The following ADAMTSL1 variants were observed in gnomAD, a reference collection of about 807,000 sequenced individuals.
The protein encoded by ADAMTSL1 is ADAMTS-like protein 1.
A neutral mutation model predicts 201.8 loss-of-function variants in ADAMTSL1; 126 were observed. That is an observed-to-expected ratio of 0.62 (90% CI 0.54 to 0.72). The LOEUF (loss-of-function observed/expected upper bound fraction) is 0.72. Ranked by LOEUF, ADAMTSL1 falls within the 30% of genes least tolerant of loss-of-function variation. The pLI, the probability that ADAMTSL1 is intolerant of heterozygous loss-of-function variation, is 0.00. For missense variants in ADAMTSL1, 2,679 were observed against 2,277.8 expected (o/e 1.18, Z -3.59); for synonymous variants, 1,121 against 903.4 (o/e 1.24, Z -4.32).
At chr9:18,333,459 G>A (rs1023795034) in intron 2 of ADAMTSL1, among the ~76,000 whole-genome samples, 12 of 152,160 alleles carry the variant, frequency 7.9e-5, no homozygotes, top group African/African-American at 2.4e-4. Context: ...ATGTGGAATT[G>A]TGAGTCAAAC....
At chr9:18,068,173 G>A (rs145768329) in intron 1 of ADAMTSL1, among the ~76,000 whole-genome samples, 320 of 152,158 alleles carry the variant, frequency 2.1e-3, no homozygotes, top group African/African-American at 7.4e-3. Flanking sequence ...CTTAGAAATG[G>A]ACTGTTTATT....
At chr9:18,712,696 C>T (rs1266409670) in intron 14 of ADAMTSL1, among the ~76,000 whole-genome samples, 1 of 151,778 alleles carries the variant, frequency 6.6e-6, no homozygotes, top group Non-Finnish European at 1.5e-5. Context: ...TCCAGGAGAA[C>T]TTCCCCAATT....
intron 26 of ADAMTSL1, among the ~76,000 whole-genome samples, chr9:18,899,080 A>G (rs988421649): frequency 2.6e-5 from 4 of 152,244 alleles, no homozygotes; most frequent in African/African-American, 9.6e-5. Context: ...TCTTAAGCTG[A>G]TAAGCAACTT....
chr9:18,004,155 A>G (rs1478370030), intron 1 of ADAMTSL1, among the ~76,000 whole-genome samples: 2 of 152,034 alleles, frequency 1.3e-5, no homozygotes, highest in East Asian at 1.9e-4. Context: ...GAAATGTTTC[A>G]GCTAGCAATA....
At chr9:18,879,048 A>T (rs1828358165) in intron 23 of ADAMTSL1, among the ~76,000 whole-genome samples, 2 of 152,084 alleles carry the variant, frequency 1.3e-5, no homozygotes, top group African/African-American at 4.8e-5. Flanking sequence ...TTCATATATA[A>T]CATTTCTTCC....
chr9:18,471,755 T>C (rs145420472), upstream of ADAMTSL1, among the ~76,000 whole-genome samples: 8 of 152,300 alleles, frequency 5.3e-5, no homozygotes, highest in East Asian at 1.5e-3. Flanking sequence ...CAACAGGTGA[T>C]TGAGGGCTTA....
intron 23 of ADAMTSL1, among the ~76,000 whole-genome samples, chr9:18,849,522 A>G (rs758971262): frequency 6.6e-5 from 10 of 152,192 alleles, no homozygotes; most frequent in South Asian, 2.1e-4. Flanking sequence ...CTGATGGTCA[A>G]AGGTTAGGTA....
intron 1 of ADAMTSL1, among the ~76,000 whole-genome samples, chr9:17,993,115 C>G (rs1819228644): frequency 6.6e-6 from 1 of 152,020 alleles, no homozygotes; most frequent in Non-Finnish European, 1.5e-5. Flanking sequence ...GGATTTACCT[C>G]TCTAGAGGTT....
chr9:18,637,060 G>A (rs1477440806), intron 6 of ADAMTSL1, among the ~76,000 whole-genome samples: 2 of 151,696 alleles, frequency 1.3e-5, no homozygotes, highest in African/African-American at 4.9e-5. Flanking sequence ...AGTCTTTCTA[G>A]ATATAAAAAT....
In ADAMTSL1 at chr9:18,451,845, C is replaced by A. The variant is rs568552374; in HGVS notation, c.208-52984C>A. 2.0e-5 allele frequency among the ~76,000 whole-genome samples: 3 copies of A among 152,332 alleles called. No individual in the cohort carries two copies. The South Asian group carries it at 6.2e-4, about 32-fold the overall frequency. ...GAAGGGCCCACATCTGGCAAGGGCC[C>A]TCATGTTGCATGGTGGAAGATGCAA... On this transcript the variant is annotated intron_variant, in intron 2 of 29. Transcript: ENST00000680146.
At chr9:18,296,174 G>C (rs1432756985) in intron 2 of ADAMTSL1, among the ~76,000 whole-genome samples, 1 of 152,066 alleles carries the variant, frequency 6.6e-6, no homozygotes. Flanking sequence ...ACATTCTAAA[G>C]ACAACTAGTC....
At chr9:18,793,135 T>C (rs1049821087) in intron 19 of ADAMTSL1, 1 of 152,224 alleles carries the variant, frequency 6.6e-6, no homozygotes, top group African/African-American at 2.4e-5. Flanking sequence ...CAAGCACAAA[T>C]CATTCAAAAA....
At chr9:18,656,628 CAA>C (rs34965386) in intron 7 of ADAMTSL1, among the ~76,000 whole-genome samples, 15 of 75,316 alleles carry the variant, frequency 2.0e-4, no homozygotes, top group Middle Eastern at 8.5e-3. Context: ...GACTCCATCG[CAA>C]AAAAAAAAAA....
chr9:18,586,632 A>C (rs538455113), intron 4 of ADAMTSL1, among the ~76,000 whole-genome samples: 1 of 152,288 alleles, frequency 6.6e-6, no homozygotes, highest in Non-Finnish European at 1.5e-5. Context: ...AGAGCCCCAT[A>C]GTCAAGGCAA....
chr9:18,319,507 A>T (rs920907868), intron 2 of ADAMTSL1, among the ~76,000 whole-genome samples: 6 of 152,182 alleles, frequency 3.9e-5, no homozygotes, highest in African/African-American at 1.4e-4. Context: ...TTCTCTTCTG[A>T]TAATGGCTGA....
At chr9:18,406,933 T>C (rs914060226) in intron 2 of ADAMTSL1, among the ~76,000 whole-genome samples, 3 of 152,162 alleles carry the variant, frequency 2.0e-5, no homozygotes, top group African/African-American at 4.8e-5. Context: ...GTTGTGAGAA[T>C]TGAATTTGAG....
intron 2 of ADAMTSL1, among the ~76,000 whole-genome samples, chr9:18,369,350 T>C (rs964837047): frequency 1.3e-5 from 2 of 152,198 alleles, no homozygotes; most frequent in Admixed American, 1.3e-4. Flanking sequence ...TTGTTGTTAA[T>C]TCAAGTGGCC....
chr9:18,899,362 G>T (rs1216516961), intron 26 of ADAMTSL1, among the ~76,000 whole-genome samples: 8 of 152,110 alleles, frequency 5.3e-5, no homozygotes, highest in African/African-American at 1.9e-4. Context: ...CATGAAAATG[G>T]CCATACTGCC....
rs1216989251 is a variant in ADAMTSL1 at position 18,248,365 on chromosome 9, A to G, written c.207+84384A>G. ...GTATGTAAAAAGCTTGGCTTCCCAT[A>G]TTTGCTATTCCAGACTGCTGCACTG... On this transcript the variant is annotated intron_variant, in intron 2 of 29. Coordinates refer to the ADAMTSL1 transcript ENST00000680146. Among the ~76,000 whole-genome samples, 3 of 152,060 alleles carry G rather than the reference A, an allele frequency of 2.0e-5. No homozygotes were observed. The East Asian group carries it at 5.8e-4, about 29-fold the overall frequency.
Sources: gnomAD v4.1 joint callset for allele counts (sites outside exome capture counted in the v4.1 genomes callset) on GRCh38, gnomAD v4.1.1 for gene constraint, MANE v1.5 for transcripts, NCBI Gene and HGNC (gene_info 2026-07-23, HGNC 2026-07-21) for gene names.